PROCR: variants seen among roughly 807,000 people sequenced by gnomAD.
PROCR encodes the protein endothelial protein C receptor.
In PROCR, 22 loss-of-function variants were observed where a neutral mutation model predicts 24.2. The ratio of observed to expected loss-of-function variants is 0.91; its 90% CI spans 0.65 to 1.30. The LOEUF (loss-of-function observed/expected upper bound fraction) is 1.30, where lower values mean the gene tolerates loss of function less well. Ranked by LOEUF, PROCR falls within the 50% of genes most tolerant of loss-of-function variation. The pLI is 0.00. For synonymous variants in PROCR, 137 were observed against 139.2 expected (o/e 0.98, Z 0.11); for missense variants, 288 against 307.7 (o/e 0.94, Z 0.48).
chr20:35,174,532 C>T (rs764945041), intron 1 of PROCR, 170 bp from the exon 2 acceptor site: 12 of 815,016 alleles, frequency 1.5e-5, no homozygotes, highest in Non-Finnish European at 2.5e-5. Flanking sequence ...GTCCTGTCCT[C>T]CTGGCAGAGT....
intron 1 of PROCR, among the ~76,000 whole-genome samples, chr20:35,185,372 A>G (rs552300272): frequency 9.2e-5 from 14 of 152,332 alleles, no homozygotes; most frequent in African/African-American, 3.4e-4. Context: ...TGATCCAGCA[A>G]TCCCACTACT....
rs1250362122 is a variant in PROCR at position 35,174,906 on chromosome 20, AGTTCCACGGCCTCGTGCGCCTGGT to A, written c.277_300del (p.Phe93_Val100del). ...AGTGGCCTGCAGTCCTACCTGCTCC[AGTTCCACGGCCTCGTGCGCCTGGT>A]GCACCAGGAGCGGACCTTGGCCTGT... On this transcript the variant is annotated inframe_deletion, in exon 2 of 4. Transcript: ENST00000216968. 1 of 1,570,620 alleles carries A rather than the reference AGTTCCACGGCCTCGTGCGCCTGGT, an allele frequency of 6.4e-7. No individual in the cohort carries two copies. Among genetic ancestry groups the A allele is most frequent in the South Asian group, 1.1e-5 (1 of 90,032 alleles).
intron 1 of PROCR, among the ~76,000 whole-genome samples, chr20:35,186,691 G>A (rs1020700507): frequency 1.3e-5 from 2 of 151,228 alleles, no homozygotes; most frequent in Non-Finnish European, 2.9e-5. Flanking sequence ...GCTCATGCCT[G>A]TAATCCCAGC....
intron 1 of PROCR, among the ~76,000 whole-genome samples, chr20:35,189,263 TC>T (rs996611425): frequency 6.0e-5 from 6 of 100,100 alleles, no homozygotes; most frequent in Admixed American, 1.7e-4. Context: ...AAGAACGCAT[TC>T]CGGGGGGGGG....
intron 1 of PROCR, among the ~76,000 whole-genome samples, chr20:35,207,388 T>TTGTG (rs141269356): frequency 2.4e-4 from 34 of 141,128 alleles, no homozygotes; most frequent in Non-Finnish European, 3.1e-4. Context: ...ATGTGTATGT[T>TTGTG]TGTGTATATA....
intron 1 of PROCR, among the ~76,000 whole-genome samples, chr20:35,191,344 G>A (rs2086171826): frequency 6.6e-6 from 1 of 152,206 alleles, no homozygotes; most frequent in Non-Finnish European, 1.5e-5. Context: ...AAATTATTGA[G>A]TGACTTCTAT....
In PROCR at chr20:35,176,277, G is replaced by A; in HGVS notation, c.432G>A (p.Arg144=). Residue 144 remains arginine (R), a synonymous_variant, in exon 3 of 4, where the codon CGG becomes CGA. Coordinates refer to ENST00000216968, the MANE Select transcript of PROCR (RefSeq NM_006404.5). ...AVNGSSFVSF[R]PERALWQADT... ...ATGGGAGCTCCTTTGTGAGTTTCCG[G>A]CCGGAGAGAGCCTTGTGGCAGGCAG... 6.2e-7 allele frequency: 1 copy of A among 1,614,214 alleles called. No individual in the cohort carries two copies. The highest frequency in any genetic ancestry group is 8.5e-7 in the Non-Finnish European group (1 of 1,180,032).
At chr20:35,192,668 T>A (rs1239703161) in intron 1 of PROCR, among the ~76,000 whole-genome samples, 1 of 151,632 alleles carries the variant, frequency 6.6e-6, no homozygotes, top group Non-Finnish European at 1.5e-5. Context: ...CAGGAGACTT[T>A]CCCCCCACCT....
downstream of PROCR, among the ~76,000 whole-genome samples, chr20:35,178,114 G>T (rs926242943): frequency 6.6e-6 from 1 of 151,908 alleles, no homozygotes; most frequent in African/African-American, 2.4e-5. Context: ...AAGAGCATGT[G>T]TTTTGTCGGC....
rs540592766 is a variant in PROCR, at chr20:35,210,402, G to T, written c.95-5491G>T. Among the ~76,000 whole-genome samples the T allele has an allele frequency of 7.9e-5, 12 of 151,514 alleles. No homozygotes were observed. In the South Asian group the frequency reaches 2.5e-3, roughly 32 times the overall value. On this transcript the variant is annotated intron_variant, in intron 1 of 1. Transcript: ENST00000634509. ...TCTATGAAAAATTTTTAAAAATTAG[G>T]TGGGTGTGGTGGCACACGCCTGTAG...
chr20:35,201,470 C>T (rs1255983109), intron 1 of PROCR, among the ~76,000 whole-genome samples: 1 of 152,128 alleles, frequency 6.6e-6, no homozygotes, highest in African/African-American at 2.4e-5. Flanking sequence ...GGCTGATCAC[C>T]TGAGGTCAGG....
intron 1 of PROCR, among the ~76,000 whole-genome samples, chr20:35,205,673 C>T (rs988774451): frequency 2.7e-5 from 4 of 147,700 alleles, no homozygotes; most frequent in Admixed American, 1.4e-4. Context: ...ATTGCTTGAA[C>T]CTGGGAGGTG....
chr20:35,205,881 G>GTA (rs2146177138), intron 1 of PROCR, among the ~76,000 whole-genome samples: 1 of 141,964 alleles, frequency 7.0e-6, no homozygotes, highest in Admixed American at 7.1e-5. Flanking sequence ...ATGTATATAT[G>GTA]TATATATGTG....
chr20:35,172,095 G>T lies in PROCR; in HGVS notation c.-60G>T. ...TCACTTCTCTTTTCCCTAGACTGCAGCCAGCGGAGCCCGCAGCCGGCCCGA... is the reference window on the plus strand; with the variant it reads ...TCACTTCTCTTTTCCCTAGACTGCATCCAGCGGAGCCCGCAGCCGGCCCGA... On this transcript the variant is annotated 5_prime_UTR_variant, in exon 1 of 4. Coordinates refer to ENST00000216968, the MANE Select transcript of PROCR (RefSeq NM_006404.5). 2 of 1,542,458 alleles carry T rather than the reference G, an allele frequency of 1.3e-6. No individual in the cohort carries two copies. The highest frequency in any genetic ancestry group is 3.3e-5 in the Admixed American group (2 of 59,914).
chr20:35,175,179 A>G (rs1410962361), intron 2 of PROCR, among the ~76,000 whole-genome samples: 3 of 151,920 alleles, frequency 2.0e-5, no homozygotes, highest in Non-Finnish European at 4.4e-5. Context: ...TCCTGCTGGC[A>G]TAACCTCTTG....
chr20:35,199,747 CAA>C (rs748805879), intron 1 of PROCR, among the ~76,000 whole-genome samples: 16 of 75,444 alleles, frequency 2.1e-4, no homozygotes, highest in African/African-American at 3.1e-4. Flanking sequence ...GACTGTGTCT[CAA>C]AAAAAAAAAA....
At chr20:35,197,856 A>G (rs1026249374) in intron 1 of PROCR, among the ~76,000 whole-genome samples, 2 of 151,518 alleles carry the variant, frequency 1.3e-5, no homozygotes, top group Non-Finnish European at 2.9e-5. Context: ...AGTCACATAC[A>G]TCTCTCACTT....
At chr20:35,200,943 C>G (rs370405806) in intron 1 of PROCR, among the ~76,000 whole-genome samples, 2 of 152,082 alleles carry the variant, frequency 1.3e-5, no homozygotes, top group African/African-American at 2.4e-5. Context: ...CCACTGCACC[C>G]GGCCTTAAAC....
downstream of PROCR, chr20:35,177,363 T>C (rs1363651363): frequency 2.0e-6 from 2 of 982,618 alleles, no homozygotes; most frequent in Non-Finnish European, 1.2e-6. Context: ...ATTTAAGGCA[T>C]TGTTATCTCC....
Sources: allele counts gnomAD v4.1 joint callset (sites outside exome capture counted in the v4.1 genomes callset), GRCh38; gene constraint gnomAD v4.1.1; transcripts MANE v1.5; gene names NCBI Gene and HGNC (gene_info 2026-07-23, HGNC 2026-07-21).